RASSF8: variants seen among roughly 807,000 people sequenced by gnomAD.
RASSF8 encodes ras association domain-containing protein 8.
RASSF8 carries 22 observed loss-of-function variants against 48.5 expected under a neutral mutation model. The observed-to-expected ratio is 0.45, with a 90% CI of 0.32 to 0.65. The LOEUF is 0.65. RASSF8 is among the 30% of genes least tolerant of loss of function. The pLI, the probability that RASSF8 is intolerant of heterozygous loss-of-function variation, is 0.03. For missense variants in RASSF8, 418 were observed against 489.2 expected, an observed-to-expected ratio of 0.85 and a Z score of 1.37; for synonymous variants, 127 against 171.5, an observed-to-expected ratio of 0.74 and a Z score of 2.03.
At chr12:26,006,231 G>T (rs1942388617) in intron 2 of RASSF8, among the ~76,000 whole-genome samples, 1 of 152,150 alleles carries the variant, frequency 6.6e-6, no homozygotes, top group African/African-American at 2.4e-5. Context: ...AAGGAACTGT[G>T]TCTGTGTTCT....
intron 2 of RASSF8, among the ~76,000 whole-genome samples, chr12:26,028,371 G>A (rs893583626): frequency 1.3e-5 from 2 of 152,310 alleles, no homozygotes; most frequent in Middle Eastern, 3.4e-3. Flanking sequence ...GTTGGAATGT[G>A]AGACAATGAA....
chr12:25,971,067 G>C (rs942349668), intron 1 of RASSF8, among the ~76,000 whole-genome samples: 1 of 152,170 alleles, frequency 6.6e-6, no homozygotes. Flanking sequence ...GCTTCTGAGA[G>C]GCTCTTCTTA....
chr12:26,039,375 G>C (rs1943217752), intron 2 of RASSF8, among the ~76,000 whole-genome samples: 1 of 152,014 alleles, frequency 6.6e-6, no homozygotes, highest in Non-Finnish European at 1.5e-5. Context: ...ATTGAGGCTG[G>C]GTGTTAGAGG....
intron 2 of RASSF8, chr12:26,011,837 G>C (rs1339965675): frequency 6.6e-6 from 1 of 152,184 alleles, no homozygotes; most frequent in Non-Finnish European, 1.5e-5. Flanking sequence ...AAGAAAATTT[G>C]TGTTGTTCAT....
chr12:25,989,686 G>A (rs1941969574), intron 1 of RASSF8, among the ~76,000 whole-genome samples: 1 of 152,194 alleles, frequency 6.6e-6, no homozygotes. Flanking sequence ...CCACTCTTCT[G>A]ATTTCTTGCA....
intron 3 of RASSF8, among the ~76,000 whole-genome samples, chr12:26,059,574 C>T (rs988102910): frequency 6.6e-6 from 1 of 152,066 alleles, no homozygotes; most frequent in African/African-American, 2.4e-5. Context: ...TCTTCATATG[C>T]TTTTTGTAGT....
chr12:26,032,830 C>T (rs547368212), intron 2 of RASSF8, among the ~76,000 whole-genome samples: 2 of 152,292 alleles, frequency 1.3e-5, no homozygotes, highest in South Asian at 4.1e-4. Flanking sequence ...AGCGTATGTA[C>T]ACAATTGGCC....
Position 26,072,863 on chromosome 12 carries a change from T to C in RASSF8, c.*4045T>C. Reference sequence around the variant, plus strand: ...CAAATAATAAATTTTCAGGATTCATTGGGGCATTACAGTTGTCAGTTTGTT... The same window carrying C: ...CAAATAATAAATTTTCAGGATTCATCGGGGCATTACAGTTGTCAGTTTGTT... On this transcript the variant is annotated 3_prime_UTR_variant, in exon 6 of 6. Transcript: ENST00000689635. The C allele has an allele frequency of 1.1e-6, 1 of 898,620 alleles. No individual in the cohort carries two copies. Among genetic ancestry groups the C allele is most frequent in the Non-Finnish European group, 1.3e-6 (1 of 751,074 alleles). 55.7% of individuals were successfully genotyped at this position (898,620 alleles called of 1,614,324 possible).
intron 2 of RASSF8, among the ~76,000 whole-genome samples, chr12:25,995,951 C>T (rs191194442): frequency 1.2e-4 from 18 of 152,196 alleles, no homozygotes; most frequent in East Asian, 5.8e-4. Context: ...TGCTGGATCT[C>T]GAAGGTCTCA....
In RASSF8 at chr12:26,071,131, T is replaced by C. The variant is rs1393426968; in HGVS notation, c.*2313T>C. The C allele has an allele frequency of 2.5e-5, 24 of 974,468 alleles. No individual in the cohort carries two copies. In the South Asian group the frequency reaches 7.1e-4, roughly 29 times the overall value. The allele number at this position is 974,468 out of a possible 1,614,324, so 60.4% of individuals were successfully genotyped here. A position where few individuals can be genotyped will look rare whatever the true frequency, so the allele number is the denominator to read the frequency against. On this transcript the variant is annotated 3_prime_UTR_variant, in exon 6 of 6. Transcript: ENST00000689635. The stretch of plus-strand genomic sequence containing the variant: ...ACATTGAGAAGCTGTACTTTTTAAT[T>C]AGTTATATTACTTCTGGAAGCACAT...
chr12:26,011,055 T>G (rs560766027), intron 2 of RASSF8, among the ~76,000 whole-genome samples: 8 of 152,318 alleles, frequency 5.3e-5, no homozygotes, highest in South Asian at 2.1e-4. Context: ...AGTGCAGATC[T>G]AAAAGCATTC....
intron 1 of RASSF8, among the ~76,000 whole-genome samples, chr12:25,987,691 A>T (rs919009358): frequency 6.6e-6 from 1 of 152,202 alleles, no homozygotes. Flanking sequence ...ATACTTGAAC[A>T]TGCCAACACA....
chr12:25,963,321 C>CAAAAAAAA (rs61607517), intron 1 of RASSF8, among the ~76,000 whole-genome samples: 1 of 96,180 alleles, frequency 1.0e-5, no homozygotes, highest in East Asian at 2.7e-4. Flanking sequence ...TTGTTTTAGC[C>CAAAAAAAA]AAAAAAAAAA....
In RASSF8 at chr12:26,071,300, C is replaced by A; in HGVS notation, c.*2482C>A. 1.0e-6 allele frequency: 1 copy of A among 982,766 alleles called. No homozygotes were observed. The highest frequency in any genetic ancestry group is 1.2e-6 in the Non-Finnish European group (1 of 827,738). The allele number at this position is 982,766 out of a possible 1,614,324, so 60.9% of individuals were successfully genotyped here. ...TAAGTGCCACATCCTGGATACATTT[C>A]GGAGGGGTAGTGGGCAATGGTATAC... On this transcript the variant is annotated 3_prime_UTR_variant, in exon 6 of 6. Transcript: ENST00000689635.
chr12:26,010,480 A>G (rs1942496158), intron 2 of RASSF8, among the ~76,000 whole-genome samples: 1 of 152,156 alleles, frequency 6.6e-6, no homozygotes, highest in African/African-American at 2.4e-5. Context: ...CGGAACTCCC[A>G]TATATTTGTG....
At chr12:26,036,681 G>A (rs768469109) in intron 2 of RASSF8, among the ~76,000 whole-genome samples, 1 of 152,076 alleles carries the variant, frequency 6.6e-6, no homozygotes, top group South Asian at 2.1e-4. Flanking sequence ...GCTAAAGCAG[G>A]TGGATCACCT....
rs1374180609 is a variant in RASSF8 at position 25,958,761 on chromosome 12, C to T, written c.-590C>T. ...CCTACGCCCGCGCTCGTCCGGCGCCCCGCGCCGCGCCCCGCTCAGCGTCTG... is the reference window on the plus strand; with the variant it reads ...CCTACGCCCGCGCTCGTCCGGCGCCTCGCGCCGCGCCCCGCTCAGCGTCTG... On this transcript the variant is annotated 5_prime_UTR_variant, in exon 1 of 6. Transcript: ENST00000689635. Among the ~76,000 whole-genome samples the T allele has an allele frequency of 2.7e-5, 4 of 146,826 alleles. No individual in the cohort carries two copies. The highest frequency in any genetic ancestry group is 7.3e-5 in the African/African-American group (3 of 40,902).
rs761150690 is a variant in RASSF8, at chr12:26,067,702, A to T, written c.1127A>T (p.Asp376Val). ...EPIEIEASHA[D>V]IEREAPFQSG... ...ATTGAAATAGAGGCCTCACATGCAGACATTGAAAGGGGTAAGATGTTGATA... is the reference window on the plus strand; with the variant it reads ...ATTGAAATAGAGGCCTCACATGCAGTCATTGAAAGGGGTAAGATGTTGATA... Residue 376 changes from aspartate to valine, a missense_variant, in exon 5 of 6, where the codon GAC becomes GTC. Asp to Val is a radical substitution (Grantham distance 152, BLOSUM62 -3). Coordinates refer to ENST00000689635, the MANE Select transcript of RASSF8 (RefSeq NM_001394098.1). The T allele has an allele frequency of 1.2e-5, 20 of 1,614,032 alleles. No individual in the cohort carries two copies. Among genetic ancestry groups the T allele is most frequent in the Non-Finnish European group, 1.3e-5 (15 of 1,180,018 alleles).
At chr12:25,975,631 G>A (rs1321289601) in intron 1 of RASSF8, among the ~76,000 whole-genome samples, 2 of 152,160 alleles carry the variant, frequency 1.3e-5, no homozygotes, top group South Asian at 2.1e-4. Context: ...GATAAGAAAT[G>A]GCCTCTGCCT....
Sources: allele counts gnomAD v4.1 joint callset (sites outside exome capture counted in the v4.1 genomes callset), GRCh38; gene constraint gnomAD v4.1.1; transcripts MANE v1.5; gene names NCBI Gene and HGNC (gene_info 2026-07-23, HGNC 2026-07-21).